The following AGBL1 variants were observed in gnomAD, a reference collection of about 807,000 sequenced individuals.
The protein encoded by AGBL1 is AGBL carboxypeptidase 1.
Under a neutral mutation model 118.9 loss-of-function variants are expected in AGBL1, and 130 were observed. That is an observed-to-expected ratio of 1.09 (90% CI 0.95 to 1.26). AGBL1 has a LOEUF of 1.26. Ranked by LOEUF, AGBL1 falls within the 50% of genes most tolerant of loss-of-function variation. The pLI is 0.00. For synonymous variants in AGBL1, 555 were observed against 478.9 expected, an observed-to-expected ratio of 1.16 and a Z score of -2.08; for missense variants, 1,584 against 1,298.1, an observed-to-expected ratio of 1.22 and a Z score of -3.38.
intron 24 of AGBL1, among the ~76,000 whole-genome samples, chr15:86,996,463 C>A (rs2701406): frequency 0.54 from 81,773 of 151,998 alleles, 24,394 homozygotes; most frequent in South Asian, 0.72. Context: ...TGGAGATTCA[C>A]CCCTGTTCTT....
intron 17 of AGBL1, among the ~76,000 whole-genome samples, chr15:86,331,150 G>T (rs2080261659): frequency 6.6e-6 from 1 of 150,498 alleles, no homozygotes; most frequent in Non-Finnish European, 1.5e-5. Flanking sequence ...CTTGAACCCA[G>T]GAGGCAGAGG....
intron 5 of AGBL1, among the ~76,000 whole-genome samples, chr15:86,207,417 C>T (rs2078012791): frequency 6.6e-6 from 1 of 152,158 alleles, no homozygotes; most frequent in South Asian, 2.1e-4. Flanking sequence ...TAGCCATTTT[C>T]ACGATATTGA....
At chr15:86,120,697 G>C (rs1456273176) in intron 1 of AGBL1, among the ~76,000 whole-genome samples, 1 of 152,038 alleles carries the variant, frequency 6.6e-6, no homozygotes, top group Non-Finnish European at 1.5e-5. Flanking sequence ...CACATTTTTG[G>C]TTCTCAATAA....
intron 23 of AGBL1, among the ~76,000 whole-genome samples, chr15:86,943,932 G>A (rs2080785192): frequency 6.6e-6 from 1 of 152,116 alleles, no homozygotes; most frequent in African/African-American, 2.4e-5. Context: ...CTAACTTCAA[G>A]GAAGACTGGA....
At chr15:86,817,463 T>TACACACACACACACACAC (rs143498374) in intron 22 of AGBL1, among the ~76,000 whole-genome samples, 31 of 133,408 alleles carry the variant, frequency 2.3e-4, no homozygotes, top group African/African-American at 9.0e-4. Flanking sequence ...CTCTGAGAGA[T>TACACACACACACACACAC]ACACACACAC....
chr15:86,151,164 G>A (rs1230585104), intron 3 of AGBL1, among the ~76,000 whole-genome samples: 1 of 152,014 alleles, frequency 6.6e-6, no homozygotes, highest in Non-Finnish European at 1.5e-5. Flanking sequence ...GGGGTGGGGT[G>A]GGGGAGGGAT....
intron 23 of AGBL1, among the ~76,000 whole-genome samples, chr15:86,951,717 T>C (rs1212411896): frequency 6.6e-6 from 1 of 152,076 alleles, no homozygotes; most frequent in African/African-American, 2.4e-5. Context: ...GATCTGAAAA[T>C]TGTAAAAATT....
chr15:86,547,741 C>A (rs1000038497), intron 20 of AGBL1, among the ~76,000 whole-genome samples: 3 of 152,138 alleles, frequency 2.0e-5, no homozygotes, highest in African/African-American at 7.2e-5. Context: ...GGTTCTTTAA[C>A]TGTGAGTGGG....
chr15:86,945,244 TAAAAAA>T (rs11326362), intron 23 of AGBL1, among the ~76,000 whole-genome samples: 2 of 70,784 alleles, frequency 2.8e-5, no homozygotes, highest in African/African-American at 1.1e-4. Flanking sequence ...ACCCCATCAC[TAAAAAA>T]AAAAAAAAAA....
chr15:86,272,199 G>A (rs1217209288), intron 15 of AGBL1, among the ~76,000 whole-genome samples: 2 of 152,244 alleles, frequency 1.3e-5, no homozygotes, highest in South Asian at 2.1e-4. Context: ...AAAAGAGGGA[G>A]GAGTTTCAAA....
At chr15:86,539,623 C>T (rs756540962) in intron 19 of AGBL1, among the ~76,000 whole-genome samples, 3 of 152,330 alleles carry the variant, frequency 2.0e-5, no homozygotes, top group Non-Finnish European at 4.4e-5. Flanking sequence ...ATTTATTCTC[C>T]TTTCACTCTA....
chr15:86,304,651 C>T (rs952171727), intron 17 of AGBL1, among the ~76,000 whole-genome samples: 1 of 152,192 alleles, frequency 6.6e-6, no homozygotes, highest in Non-Finnish European at 1.5e-5. Context: ...CCTTTAACCT[C>T]TCTTGGAAAG....
chr15:86,785,964 G>T (rs1374042312), intron 22 of AGBL1, among the ~76,000 whole-genome samples: 2 of 152,168 alleles, frequency 1.3e-5, no homozygotes, highest in African/African-American at 4.8e-5. Context: ...TTCTAGGTTA[G>T]TGCTGGTGAC....
chr15:86,922,872 T>C (rs976439932), intron 23 of AGBL1, among the ~76,000 whole-genome samples: 5 of 152,304 alleles, frequency 3.3e-5, no homozygotes, highest in African/African-American at 1.2e-4. Context: ...ACGGTTTAGA[T>C]AACGGGACTG....
chr15:86,334,461 G>T (rs2080327414), intron 17 of AGBL1, among the ~76,000 whole-genome samples: 2 of 152,096 alleles, frequency 1.3e-5, no homozygotes, highest in Non-Finnish European at 2.9e-5. Context: ...AACCAAGGAG[G>T]TGAAAGATCC....
chr15:86,997,892 CACACACACACACACACACACA>C (rs2081394575), intron 24 of AGBL1, among the ~76,000 whole-genome samples: 1 of 28,556 alleles, frequency 3.5e-5, no homozygotes, highest in African/African-American at 5.8e-5. Context: ...ATGTGGAAGA[CACACACACACACACACACACA>C]CACACACACA....
At chr15:86,897,586 T>C (rs1036437615) in intron 22 of AGBL1, among the ~76,000 whole-genome samples, 31 of 151,996 alleles carry the variant, frequency 2.0e-4, no homozygotes, top group Non-Finnish European at 1.0e-4. Flanking sequence ...TTCTTATTCC[T>C]TGGATATGTT....
intron 5 of AGBL1, among the ~76,000 whole-genome samples, chr15:86,203,509 A>C (rs980343226): frequency 6.6e-6 from 1 of 152,142 alleles, no homozygotes; most frequent in Non-Finnish European, 1.5e-5. Flanking sequence ...GGTGTTTCAG[A>C]TGAGGAGTGG....
intron 1 of AGBL1, among the ~76,000 whole-genome samples, chr15:86,118,130 A>G (rs550218748): frequency 6.6e-6 from 1 of 152,290 alleles, no homozygotes; most frequent in South Asian, 2.1e-4. Flanking sequence ...CTTTCAAGAG[A>G]TGGCCCTCAC....
Sources: allele counts gnomAD v4.1 joint callset (sites outside exome capture counted in the v4.1 genomes callset), GRCh38; gene constraint gnomAD v4.1.1; transcripts MANE v1.5; gene names NCBI Gene and HGNC (gene_info 2026-07-23, HGNC 2026-07-21).